The following HCRTR2 variants were observed in gnomAD, a reference collection of about 807,000 sequenced individuals.
HCRTR2 encodes hypocretin receptor 2.
In HCRTR2, 22 loss-of-function variants were observed where a neutral mutation model predicts 49.0. That is an observed-to-expected ratio of 0.45 (90% CI 0.32 to 0.64). The LOEUF is 0.64. Among genes scored for constraint, HCRTR2 ranks in the 30% least tolerant of loss-of-function variants. The pLI is 0.04. For missense variants in HCRTR2, 491 were observed against 559.4 expected (o/e 0.88, Z 1.23); for synonymous variants, 236 against 205.3 (o/e 1.15, Z -1.28).
At chr6:55,242,459 C>A in intron 1 of HCRTR2, among the ~76,000 whole-genome samples, 1 of 152,222 alleles carries the variant, frequency 6.6e-6, no homozygotes, top group African/African-American at 2.4e-5. Flanking sequence ...ATCATGTAAT[C>A]ATTGTCCCTC....
rs186502963 is a variant in HCRTR2 at position 55,221,674 on chromosome 6, G to A, written c.224-26965G>A. Among the ~76,000 whole-genome samples, 407 of 152,056 alleles carry A rather than the reference G, an allele frequency of 2.7e-3. 5 individuals are homozygous for A. The highest frequency in any genetic ancestry group is 0.018 in the Admixed American group (278 of 15,266). Reference sequence around the variant, plus strand: ...TAAAAATACAAAAAATTAGCCGGGCGTGGTGGTGGGCGCCTGTAGTCCCAA... The same window carrying A: ...TAAAAATACAAAAAATTAGCCGGGCATGGTGGTGGGCGCCTGTAGTCCCAA... On this transcript the variant is annotated intron_variant, in intron 1 of 6. Coordinates refer to ENST00000370862, the MANE Select transcript of HCRTR2 (RefSeq NM_001384272.1).
chr6:55,199,847 G>A (rs936253190), intron 1 of HCRTR2, among the ~76,000 whole-genome samples: 1 of 152,176 alleles, frequency 6.6e-6, no homozygotes, highest in African/African-American at 2.4e-5. Context: ...ATAAGGGAAG[G>A]ATTTAATCAG....
intron 1 of HCRTR2, among the ~76,000 whole-genome samples, chr6:55,212,125 A>G (rs6921886): frequency 6.0e-4 from 91 of 152,314 alleles, no homozygotes; most frequent in African/African-American, 2.0e-3. Flanking sequence ...GCATTCATGA[A>G]CAAATTCCTG....
At chr6:55,190,985 T>C (rs1436956490) in intron 1 of HCRTR2, among the ~76,000 whole-genome samples, 1 of 152,096 alleles carries the variant, frequency 6.6e-6, no homozygotes, top group African/African-American at 2.4e-5. Flanking sequence ...TTGACAAAAA[T>C]TCTATTGTAC....
intron 1 of HCRTR2, among the ~76,000 whole-genome samples, chr6:55,180,962 G>A (rs989347290): frequency 4.6e-5 from 5 of 109,096 alleles, no homozygotes; most frequent in African/African-American, 1.6e-4. Context: ...ACCATGCCCA[G>A]CTATTTTTTT....
intron 4 of HCRTR2, among the ~76,000 whole-genome samples, chr6:55,273,926 G>T (rs951043962): frequency 6.6e-6 from 1 of 151,742 alleles, no homozygotes; most frequent in African/African-American, 2.4e-5. Context: ...AACACTCAAT[G>T]TACCTTTATT....
chr6:55,280,255 C>G lies in HCRTR2; in HGVS notation c.984-68C>G, dbSNP rs565871240. 9 of 1,061,844 alleles carry G rather than the reference C, an allele frequency of 8.5e-6. No individual in the cohort carries two copies. In the African/African-American group the frequency reaches 1.4e-4, roughly 17 times the overall value. 65.8% of individuals were successfully genotyped at this position (1,061,844 alleles called of 1,614,324 possible). A position where few individuals can be genotyped will look rare whatever the true frequency, so the allele number is the denominator to read the frequency against. Reference sequence around the variant, plus strand: ...GGACAGGAGTCAGACCATCCTCTACCAATAGCCTTGTTCACCTTTGAATTT... The same window carrying G: ...GGACAGGAGTCAGACCATCCTCTACGAATAGCCTTGTTCACCTTTGAATTT... On this transcript the variant is annotated intron_variant, in intron 5 of 6. Coordinates refer to ENST00000370862, the MANE Select transcript of HCRTR2 (RefSeq NM_001384272.1).
At chr6:55,230,392 T>A (rs1053535684) in intron 1 of HCRTR2, among the ~76,000 whole-genome samples, 1 of 152,030 alleles carries the variant, frequency 6.6e-6, no homozygotes, top group Non-Finnish European at 1.5e-5. Flanking sequence ...CAGAGCATAA[T>A]CCCTAGAAAG....
chr6:55,232,424 C>T (rs1195161366), intron 1 of HCRTR2, among the ~76,000 whole-genome samples: 1 of 152,078 alleles, frequency 6.6e-6, no homozygotes, highest in African/African-American at 2.4e-5. Context: ...TGTTGTTGTT[C>T]TTTCCTTGAA....
chr6:55,132,227 T>A (rs1490019477), intron 1 of HCRTR2, among the ~76,000 whole-genome samples: 1 of 151,886 alleles, frequency 6.6e-6, no homozygotes, highest in Non-Finnish European at 1.5e-5. Context: ...GTTGTCATAA[T>A]AAAAGTAAAT....
intron 1 of HCRTR2, among the ~76,000 whole-genome samples, chr6:55,231,266 A>G (rs1237387719): frequency 6.6e-6 from 1 of 152,158 alleles, no homozygotes; most frequent in Non-Finnish European, 1.5e-5. Flanking sequence ...TTAATGTTTG[A>G]CCAGAAAAAA....
chr6:55,154,963 A>G (rs921689330), intron 1 of HCRTR2, among the ~76,000 whole-genome samples: 2 of 151,814 alleles, frequency 1.3e-5, no homozygotes, highest in African/African-American at 4.8e-5. Context: ...GAAATTAAGG[A>G]AACAATCCCC....
chr6:55,249,417 A>G (rs1297141576), intron 2 of HCRTR2, among the ~76,000 whole-genome samples: 2 of 152,136 alleles, frequency 1.3e-5, no homozygotes, highest in South Asian at 2.1e-4. Flanking sequence ...CCATTCACCA[A>G]TTGTATGCTA....
chr6:55,232,705 A>G (rs1322559793), intron 1 of HCRTR2, among the ~76,000 whole-genome samples: 2 of 152,204 alleles, frequency 1.3e-5, no homozygotes, highest in East Asian at 1.9e-4. Context: ...GTGAACAACT[A>G]TCATCCATTA....
intron 1 of HCRTR2, among the ~76,000 whole-genome samples, chr6:55,176,653 G>A (rs888097631): frequency 7.2e-5 from 11 of 152,204 alleles, no homozygotes; most frequent in East Asian, 5.8e-4. Flanking sequence ...ATAAAATGAC[G>A]TATTAAGGGA....
intron 1 of HCRTR2, among the ~76,000 whole-genome samples, chr6:55,188,962 A>G (rs73434718): frequency 0.22 from 32,755 of 152,144 alleles, 3,670 homozygotes; most frequent in Admixed American, 0.3. Flanking sequence ...CTAAGATTAA[A>G]TGCATGATAG....
chr6:55,151,167 G>A (rs1358199363), intron 1 of HCRTR2, among the ~76,000 whole-genome samples: 2 of 151,958 alleles, frequency 1.3e-5, no homozygotes, highest in African/African-American at 4.8e-5. Context: ...TGAAGGTTGA[G>A]GTGGCTGTGG....
At chr6:55,227,132 ATT>A (rs57950083) in intron 1 of HCRTR2, among the ~76,000 whole-genome samples, 9 of 151,388 alleles carry the variant, frequency 5.9e-5, no homozygotes, top group African/African-American at 1.9e-4. Flanking sequence ...GTATTCTATG[ATT>A]TTTTTTTAAT....
intron 1 of HCRTR2, among the ~76,000 whole-genome samples, chr6:55,125,442 C>T (rs1764260146): frequency 6.6e-6 from 1 of 152,186 alleles, no homozygotes; most frequent in Non-Finnish European, 1.5e-5. Flanking sequence ...ATATTGGCCT[C>T]CACTGTCTTC....
Sources: allele counts gnomAD v4.1 joint callset (sites outside exome capture counted in the v4.1 genomes callset), GRCh38; gene constraint gnomAD v4.1.1; transcripts MANE v1.5; gene names NCBI Gene and HGNC (gene_info 2026-07-23, HGNC 2026-07-21).